NCEH1: variants seen among roughly 807,000 people sequenced by gnomAD.
The protein encoded by NCEH1 is 2-acetyl MAGE hydrolase.
Under a neutral mutation model 25.4 loss-of-function variants are expected in NCEH1, and 9 were observed. That is an observed-to-expected ratio of 0.35 (90% CI 0.21 to 0.62). The LOEUF (loss-of-function observed/expected upper bound fraction) is 0.62, where lower values mean the gene tolerates loss of function less well. NCEH1 is among the 20% of genes least tolerant of loss of function. The probability of loss-of-function intolerance (pLI) is 0.72; values close to 1 mark genes in which losing one functional copy is unlikely to be tolerated. For synonymous variants in NCEH1, 200 were observed against 199.8 expected (o/e 1.00, Z -0.01); for missense variants, 412 against 501.1 (o/e 0.82, Z 1.70).
intron 1 of NCEH1, among the ~76,000 whole-genome samples, chr3:172,655,368 G>A (rs1436646357): frequency 6.6e-6 from 1 of 152,190 alleles, no homozygotes; most frequent in East Asian, 1.9e-4. Context: ...AAAATCTGGT[G>A]GCGCACTGGC....
rs1489538555 is a variant in NCEH1, at chr3:172,633,943, C to T, written c.759G>A (p.Val253=). ...AGTCATAGTTGCCTTTGAAGTAGTC[C>T]ACCCAATACTTCACCATGACATAGC... ...LPRYVMVKYW[V]DYFKGNYDFV... The change falls in exon 5 of 5, where the codon GTG becomes GTA. Residue 253 remains valine, a synonymous_variant. Coordinates refer to ENST00000475381, the MANE Select transcript of NCEH1 (RefSeq NM_020792.6). 6.2e-7 allele frequency: 1 copy of T among 1,614,024 alleles called. No individual in the cohort carries two copies. The highest frequency in any genetic ancestry group is 8.5e-7 in the Non-Finnish European group (1 of 1,180,000).
chr3:172,650,418 C>T (rs977891969), intron 1 of NCEH1, among the ~76,000 whole-genome samples: 16 of 151,402 alleles, frequency 1.1e-4, no homozygotes, highest in Admixed American at 6.6e-5. Context: ...CCAAGATGGG[C>T]GGATCATGAG....
At chr3:172,692,747 CTAT>C (rs1369260382) in intron 1 of NCEH1, among the ~76,000 whole-genome samples, 2 of 152,094 alleles carry the variant, frequency 1.3e-5, no homozygotes, top group Non-Finnish European at 2.9e-5. Flanking sequence ...TTTCATCATC[CTAT>C]TATTAGCTTA....
At position 172,632,401 on chromosome 3, in the gene NCEH1, T is replaced by C. The variant is rs1050933642; in HGVS notation, c.*1074A>G. On this transcript the variant is annotated 3_prime_UTR_variant, in exon 5 of 5. Coordinates refer to ENST00000475381, the MANE Select transcript of NCEH1 (RefSeq NM_020792.6). ...GGACATCTTTCTGAAAAACCTTAAG[T>C]CTAGCTATGTATATTAACATTAAAT... The C allele has an allele frequency of 1.3e-5, 2 of 152,384 alleles. No individual in the cohort carries two copies. Among genetic ancestry groups the C allele is most frequent in the African/African-American group, 4.8e-5 (2 of 41,428 alleles). The allele number at this position is 152,384 out of a possible 1,614,324, so 9.4% of individuals were successfully genotyped here. A position where few individuals can be genotyped will look rare whatever the true frequency, so the allele number is the denominator to read the frequency against.
At chr3:172,640,943 G>T (rs537300250) in intron 3 of NCEH1, among the ~76,000 whole-genome samples, 5 of 151,930 alleles carry the variant, frequency 3.3e-5, no homozygotes, top group Non-Finnish European at 7.4e-5. Context: ...CTGGAATTAC[G>T]GGTGTGAGCC....
intron 1 of NCEH1, among the ~76,000 whole-genome samples, chr3:172,656,927 C>T (rs1031957502): frequency 3.3e-5 from 5 of 152,190 alleles, no homozygotes; most frequent in Admixed American, 6.5e-5. Context: ...GGCCTCACTG[C>T]AGACATTTGA....
intron 1 of NCEH1, among the ~76,000 whole-genome samples, chr3:172,672,690 G>A (rs1711706079): frequency 6.6e-6 from 1 of 152,302 alleles, no homozygotes; most frequent in African/African-American, 2.4e-5. Flanking sequence ...GGGACCAGGA[G>A]GAGGCCCAAA....
intron 1 of NCEH1, among the ~76,000 whole-genome samples, chr3:172,672,165 G>T (rs963099131): frequency 6.6e-6 from 1 of 152,074 alleles, no homozygotes; most frequent in African/African-American, 2.4e-5. Context: ...CCATTACATT[G>T]TAATTGCCTA....
chr3:172,704,290 CAG>C (rs1045293479), intron 1 of NCEH1, among the ~76,000 whole-genome samples: 4 of 152,214 alleles, frequency 2.6e-5, no homozygotes, highest in Admixed American at 6.5e-5. Context: ...CCATAAGAAA[CAG>C]GGGGAACACT....
chr3:172,706,130 C>T (rs949461770), intron 1 of NCEH1, among the ~76,000 whole-genome samples: 2 of 151,798 alleles, frequency 1.3e-5, no homozygotes, highest in Non-Finnish European at 2.9e-5. Context: ...AACAGTCTCC[C>T]AAAGTGCTGG....
chr3:172,683,507 C>A (rs1490076159), intron 1 of NCEH1, among the ~76,000 whole-genome samples: 1 of 149,368 alleles, frequency 6.7e-6, no homozygotes, highest in African/African-American at 2.5e-5. Context: ...TCTGTCTCTA[C>A]AAAAAAAATA....
chr3:172,693,602 C>T (rs1469010351), intron 1 of NCEH1, among the ~76,000 whole-genome samples: 1 of 152,182 alleles, frequency 6.6e-6, no homozygotes, highest in South Asian at 2.1e-4. Context: ...TTGAGAGAGA[C>T]AGAAACCATG....
At chr3:172,646,723 T>C (rs992190094) in intron 2 of NCEH1, among the ~76,000 whole-genome samples, 1 of 152,178 alleles carries the variant, frequency 6.6e-6, no homozygotes, top group Non-Finnish European at 1.5e-5. Context: ...TCAGTCAAAA[T>C]TATGCAGAAA....
chr3:172,658,834 C>G (rs1188342970), intron 1 of NCEH1, among the ~76,000 whole-genome samples: 1 of 139,586 alleles, frequency 7.2e-6, no homozygotes, highest in Non-Finnish European at 1.5e-5. Context: ...CTTTCCAATT[C>G]CAAAACTTTT....
chr3:172,635,844 G>A (rs1716574465), intron 4 of NCEH1, 72 bp downstream of exon 4: 4 of 1,411,494 alleles, frequency 2.8e-6, no homozygotes, highest in South Asian at 2.6e-5. Flanking sequence ...ACACATAATG[G>A]AGGGTGTGTT....
rs1287951586 is a variant in NCEH1, at chr3:172,632,393, A to G, written c.*1082T>C. The G allele has an allele frequency of 6.6e-6, 1 of 152,316 alleles. No individual in the cohort carries two copies. The highest frequency in any genetic ancestry group is 1.5e-5 in the Non-Finnish European group (1 of 68,012). 9.4% of individuals were successfully genotyped at this position (152,316 alleles called of 1,614,324 possible). On this transcript the variant is annotated 3_prime_UTR_variant, in exon 5 of 5. Coordinates refer to ENST00000475381, the MANE Select transcript of NCEH1 (RefSeq NM_020792.6). Reference sequence around the variant, plus strand: ...TTTATTATGGACATCTTTCTGAAAAACCTTAAGTCTAGCTATGTATATTAA... The same window carrying G: ...TTTATTATGGACATCTTTCTGAAAAGCCTTAAGTCTAGCTATGTATATTAA...
Position 172,645,614 on chromosome 3 carries a change from A to T in NCEH1, c.437+9T>A, listed in dbSNP as rs752546535. ...GAAAAATTTTCTATGACTAGCATTA[A>T]TTACTTACTCAATGGAAACAATGAC... is the stretch of plus-strand genomic sequence containing the variant. On this transcript the variant is annotated intron_variant, in intron 3 of 4. Coordinates refer to ENST00000475381, the MANE Select transcript of NCEH1 (RefSeq NM_020792.6). The T allele has an allele frequency of 2.5e-6, 4 of 1,570,736 alleles. No individual in the cohort carries two copies. The South Asian group carries it at 4.6e-5, about 18-fold the overall frequency.
chr3:172,674,385 G>A lies in NCEH1; in HGVS notation c.139-26271C>T, dbSNP rs552867222. Among the ~76,000 whole-genome samples, 166 of 149,090 alleles carry A rather than the reference G, an allele frequency of 1.1e-3. 1 individual carries two copies. Among genetic ancestry groups the A allele is most frequent in the South Asian group, 2.3e-3 (11 of 4,694 alleles). On this transcript the variant is annotated intron_variant, in intron 1 of 4. Transcript: ENST00000475381. ...TTGAACCCGGGAGGCGGAGGTTGCA[G>A]TGAGTGGAGATCGCGCCACTGCACT...
chr3:172,641,643 G>T (rs1028298384), intron 3 of NCEH1, among the ~76,000 whole-genome samples: 2 of 152,172 alleles, frequency 1.3e-5, no homozygotes, highest in Admixed American at 1.3e-4. Context: ...AGAACCAAGC[G>T]TCCACCATCC....
Sources: gnomAD v4.1 joint callset for allele counts (sites outside exome capture counted in the v4.1 genomes callset) on GRCh38, gnomAD v4.1.1 for gene constraint, MANE v1.5 for transcripts, NCBI Gene and HGNC (gene_info 2026-07-23, HGNC 2026-07-21) for gene names.